The following GLT1D1 variants were observed in gnomAD, a reference collection of about 807,000 sequenced individuals.
GLT1D1 encodes glycosyltransferase 1 domain-containing protein 1.
In GLT1D1, 21 loss-of-function variants were observed where a neutral mutation model predicts 28.7. The ratio of observed to expected loss-of-function variants is 0.73; its 90% CI spans 0.52 to 1.05. The LOEUF (loss-of-function observed/expected upper bound fraction) is 1.05, where lower values mean the gene tolerates loss of function less well. Among genes scored for constraint, GLT1D1 ranks in the 50% least tolerant of loss-of-function variants. GLT1D1 has a pLI of 0.00. For missense variants in GLT1D1, 343 were observed against 330.6 expected (o/e 1.04, Z -0.29); for synonymous variants, 147 against 124.8 (o/e 1.18, Z -1.19).
chr12:128,910,949 A>G (rs1476634144), intron 4 of GLT1D1, among the ~76,000 whole-genome samples: 1 of 152,008 alleles, frequency 6.6e-6, no homozygotes, highest in African/African-American at 2.4e-5. Flanking sequence ...TTTATTTTTC[A>G]GGCAGAGTCT....
rs1194476491 is a variant in GLT1D1, at chr12:128,874,059, CCTTT to C, written c.69-1816_69-1813del. 1.6e-3 allele frequency among the ~76,000 whole-genome samples: 56 copies of C among 34,692 alleles called. 2 individuals carry two copies. Among genetic ancestry groups the C allele is most frequent in the African/African-American group, 4.2e-3 (28 of 6,620 alleles). 22.8% of individuals were successfully genotyped at this position (34,692 alleles called of 152,430 possible). On this transcript the variant is annotated intron_variant, in intron 1 of 7. Coordinates refer to ENST00000281703, the MANE Select transcript of GLT1D1 (RefSeq NM_144669.3). ...TCCCTCCCTGCCTCCCTCCCTCCCT[CCTTT>C]CTTTCTTTCTTTCTTTCTTTCTTTC...
intron 7 of GLT1D1, among the ~76,000 whole-genome samples, chr12:128,981,088 T>C (rs1182522658): frequency 6.6e-6 from 1 of 152,210 alleles, no homozygotes; most frequent in East Asian, 1.9e-4. Flanking sequence ...AGAGAGATTT[T>C]TGCTTTTGCT....
intron 4 of GLT1D1, among the ~76,000 whole-genome samples, chr12:128,934,098 T>C (rs2135464939): frequency 6.6e-6 from 1 of 152,144 alleles, no homozygotes; most frequent in Non-Finnish European, 1.5e-5. Context: ...ACCCTTTAGG[T>C]ATCAGCTAGA....
At chr12:128,874,895 T>G (rs1233081170) in intron 1 of GLT1D1, among the ~76,000 whole-genome samples, 1 of 152,212 alleles carries the variant, frequency 6.6e-6, no homozygotes, top group Non-Finnish European at 1.5e-5. Flanking sequence ...CGTAAATAGT[T>G]TTTTCCCCAG....
At chr12:128,858,946 T>A (rs1956293589) in intron 1 of GLT1D1, among the ~76,000 whole-genome samples, 1 of 152,194 alleles carries the variant, frequency 6.6e-6, no homozygotes, top group African/African-American at 2.4e-5. Context: ...AATTGACCTA[T>A]AGCTTGGAAC....
chr12:128,941,109 A>G (rs1875175660), intron 4 of GLT1D1, among the ~76,000 whole-genome samples: 1 of 152,122 alleles, frequency 6.6e-6, no homozygotes, highest in South Asian at 2.1e-4. Flanking sequence ...GGTGTAACTC[A>G]CGTGGCATCG....
intron 3 of GLT1D1, among the ~76,000 whole-genome samples, chr12:128,892,517 T>C (rs1226135407): frequency 1.3e-5 from 2 of 152,306 alleles, no homozygotes; most frequent in South Asian, 2.1e-4. Context: ...CATCTTACAG[T>C]ATTATTATTA....
intron 1 of GLT1D1, among the ~76,000 whole-genome samples, chr12:128,871,442 C>T (rs1374525344): frequency 6.6e-6 from 1 of 152,190 alleles, no homozygotes; most frequent in Non-Finnish European, 1.5e-5. Context: ...GCTCAAGATA[C>T]ACGATGCACT....
intron 4 of GLT1D1, among the ~76,000 whole-genome samples, chr12:128,907,773 G>A (rs1019345415): frequency 6.6e-6 from 1 of 152,164 alleles, no homozygotes; most frequent in East Asian, 1.9e-4. Flanking sequence ...TATGAAAAAC[G>A]CATCCATTCC....
At chr12:128,885,987 G>A (rs942284189) in intron 2 of GLT1D1, among the ~76,000 whole-genome samples, 1 of 152,202 alleles carries the variant, frequency 6.6e-6, no homozygotes, top group Non-Finnish European at 1.5e-5. Context: ...CTGGTGGGAA[G>A]TAATTGAATC....
intron 3 of GLT1D1, among the ~76,000 whole-genome samples, chr12:128,890,225 G>C (rs1868879250): frequency 6.6e-6 from 1 of 152,118 alleles, no homozygotes; most frequent in African/African-American, 2.4e-5. Context: ...TTCAGCCCTT[G>C]TCTGTCTGTA....
intron 4 of GLT1D1, among the ~76,000 whole-genome samples, chr12:128,929,831 C>G (rs942236332): frequency 1.3e-5 from 2 of 152,150 alleles, no homozygotes; most frequent in Admixed American, 1.3e-4. Flanking sequence ...TAAAAATTAG[C>G]CAGGCATGGT....
intron 7 of GLT1D1, among the ~76,000 whole-genome samples, chr12:128,975,754 CT>C (rs1403601689): frequency 1.3e-4 from 20 of 152,138 alleles, no homozygotes; most frequent in African/African-American, 4.8e-4. Flanking sequence ...TCCCGGCCCC[CT>C]AATGGCTGTT....
chr12:128,879,439 TTTCTTTCTTTCTTTCTTTC>T (rs1956972866), intron 2 of GLT1D1, among the ~76,000 whole-genome samples: 1 of 119,496 alleles, frequency 8.4e-6, no homozygotes. Flanking sequence ...TCTTTCTTTC[TTTCTTTCTTTCTTTCTTTC>T]TTTTTTTTGG....
At chr12:128,865,694 C>A (rs1255969757) in intron 1 of GLT1D1, among the ~76,000 whole-genome samples, 1 of 151,916 alleles carries the variant, frequency 6.6e-6, no homozygotes, top group Non-Finnish European at 1.5e-5. Flanking sequence ...TGGTGGCATG[C>A]GCCTATAATC....
chr12:128,954,804 A>G (rs1877103902), intron 6 of GLT1D1, among the ~76,000 whole-genome samples: 2 of 152,174 alleles, frequency 1.3e-5, no homozygotes, highest in Admixed American at 1.3e-4. Context: ...TTTTAAAAAC[A>G]TTAGCTGAGG....
chr12:128,926,232 TAATAA>T (rs1423976656), intron 4 of GLT1D1, 122 bp from the exon 7 acceptor site: 28 of 259,228 alleles, frequency 1.1e-4, no homozygotes, highest in South Asian at 1.6e-4. Flanking sequence ...ATAATAATAA[TAATAA>T]GAGTAGGAGA....
At chr12:128,889,165 A>G (rs1452035804) in intron 3 of GLT1D1, among the ~76,000 whole-genome samples, 2 of 152,044 alleles carry the variant, frequency 1.3e-5, no homozygotes, top group Non-Finnish European at 2.9e-5. Flanking sequence ...GATGTAGAAA[A>G]CACGAATCAC....
chr12:128,965,781 G>A (rs1878399267), intron 7 of GLT1D1, among the ~76,000 whole-genome samples: 1 of 151,096 alleles, frequency 6.6e-6, no homozygotes, highest in South Asian at 2.1e-4. Flanking sequence ...TGTAGTCCCA[G>A]CTACTGGGGA....
Sources: gnomAD v4.1 joint callset for allele counts (sites outside exome capture counted in the v4.1 genomes callset) on GRCh38, gnomAD v4.1.1 for gene constraint, MANE v1.5 for transcripts, NCBI Gene and HGNC (gene_info 2026-07-23, HGNC 2026-07-21) for gene names.